CASD1: variants seen among roughly 807,000 people sequenced by gnomAD.
CASD1 encodes the protein CAS1 domain sialic acid O acetyltransferase 1, also known as N-acetylneuraminate (7)9-O-acetyltransferase.
A neutral mutation model predicts 100.0 loss-of-function variants in CASD1; 41 were observed. The ratio of observed to expected loss-of-function variants is 0.41; its 90% CI spans 0.32 to 0.53. The LOEUF (loss-of-function observed/expected upper bound fraction) is 0.53. CASD1 is among the 20% of genes least tolerant of loss of function. CASD1 has a pLI of 0.25. For missense variants in CASD1, 774 were observed against 948.7 expected (o/e 0.82, Z 2.42); for synonymous variants, 321 against 315.6 (o/e 1.02, Z -0.18).
the CASD1 span, among the ~76,000 whole-genome samples, chr7:94,615,425 A>G: frequency 3.4e-3 from 458 of 133,534 alleles, 3 homozygotes; most frequent in Non-Finnish European, 6.4e-3. Context: ...TAGATAGATA[A>G]AGGGCAATTC....
the CASD1 span, chr7:94,597,837 T>A: frequency 2.0e-5 from 3 of 152,332 alleles, no homozygotes; most frequent in Non-Finnish European, 4.4e-5. Flanking sequence ...TGAAACCCCA[T>A]CCCTACTAAA....
At chr7:94,615,742 C>T in the CASD1 span, among the ~76,000 whole-genome samples, 4 of 152,098 alleles carry the variant, frequency 2.6e-5, no homozygotes, top group Non-Finnish European at 5.9e-5. Context: ...TTCTTTAATC[C>T]TCACACCCCA....
the CASD1 span, among the ~76,000 whole-genome samples, chr7:94,594,273 T>G: frequency 2.0e-5 from 3 of 152,150 alleles, no homozygotes; most frequent in Non-Finnish European, 4.4e-5. Flanking sequence ...ACAATGTGAT[T>G]TCCAGGAATG....
the CASD1 span, among the ~76,000 whole-genome samples, chr7:94,581,921 T>C: frequency 6.6e-6 from 1 of 152,224 alleles, no homozygotes; most frequent in African/African-American, 2.4e-5. Flanking sequence ...GAATGGTATT[T>C]CTGTCTCCAG....
chr7:94,594,324 T>C, the CASD1 span: 1 of 152,092 alleles, frequency 6.6e-6, no homozygotes, highest in Non-Finnish European at 1.5e-5. Flanking sequence ...GGGAAAAAAT[T>C]ATTACTGCTA....
the CASD1 span, chr7:94,587,756 T>A: frequency 1.3e-6 from 2 of 1,535,848 alleles, no homozygotes; most frequent in Non-Finnish European, 1.8e-6. Flanking sequence ...TGAAATCTGA[T>A]GAACAATTTC....
At chr7:94,534,467 A>G (rs141985245) in intron 7 of CASD1, among the ~76,000 whole-genome samples, 12 of 152,276 alleles carry the variant, frequency 7.9e-5, no homozygotes, top group African/African-American at 2.4e-4. Context: ...TTAGCAAGCA[A>G]TGGGTTTCTG....
the CASD1 span, chr7:94,621,813 A>G: frequency 6.6e-6 from 1 of 152,240 alleles, no homozygotes; most frequent in Non-Finnish European, 1.5e-5. Context: ...TGTAGTCAAG[A>G]ACAAAAATCT....
the CASD1 span, among the ~76,000 whole-genome samples, chr7:94,615,379 TA>T: frequency 7.4e-6 from 1 of 135,176 alleles, no homozygotes; most frequent in South Asian, 2.5e-4. Context: ...GATAGATAGA[TA>T]GATAGATAGA....
At chr7:94,531,045 G>A (rs764940651) in intron 5 of CASD1, among the ~76,000 whole-genome samples, 5 of 152,142 alleles carry the variant, frequency 3.3e-5, no homozygotes, top group Non-Finnish European at 7.4e-5. Flanking sequence ...CAAAACTTAA[G>A]TTGAGGCATA....
At chr7:94,625,055 T>C in the CASD1 span, 1 of 152,040 alleles carries the variant, frequency 6.6e-6, no homozygotes, top group Non-Finnish European at 1.5e-5. Flanking sequence ...TTACTTATTA[T>C]GATGATGTGA....
chr7:94,529,932 G>A (rs1177447994), intron 5 of CASD1, among the ~76,000 whole-genome samples: 4 of 152,108 alleles, frequency 2.6e-5, no homozygotes, highest in Non-Finnish European at 5.9e-5. Flanking sequence ...AAGCCTATAG[G>A]CATAAAAGCA....
chr7:94,541,907 T>C (rs1363576422), intron 10 of CASD1, among the ~76,000 whole-genome samples: 1 of 152,102 alleles, frequency 6.6e-6, no homozygotes, highest in Admixed American at 6.5e-5. Flanking sequence ...CAACATACTT[T>C]TAAAAGGTCC....
At chr7:94,563,828 C>G in the CASD1 span, among the ~76,000 whole-genome samples, 1 of 152,090 alleles carries the variant, frequency 6.6e-6, no homozygotes, top group Non-Finnish European at 1.5e-5. Context: ...ATACAAGATG[C>G]AGCAATGTGT....
At chr7:94,599,825 T>C in the CASD1 span, 3 of 892,286 alleles carry the variant, frequency 3.4e-6, no homozygotes, top group Non-Finnish European at 5.6e-6. Flanking sequence ...AATGCTGACA[T>C]TGTCACTATT....
chr7:94,576,614 C>G, the CASD1 span, among the ~76,000 whole-genome samples: 1 of 152,152 alleles, frequency 6.6e-6, no homozygotes, highest in Admixed American at 6.6e-5. Flanking sequence ...GCACTGCATG[C>G]CTATGTGACT....
the CASD1 span, chr7:94,599,431 CATAAT>C: frequency 2.2e-6 from 1 of 449,560 alleles, no homozygotes; most frequent in Non-Finnish European, 3.9e-6. Context: ...TTGGAAATCA[CATAAT>C]ATAAATGGTA....
At chr7:94,584,141 T>C in the CASD1 span, among the ~76,000 whole-genome samples, 1 of 152,240 alleles carries the variant, frequency 6.6e-6, no homozygotes, top group Non-Finnish European at 1.5e-5. Flanking sequence ...TTTACTAGAA[T>C]AGATGAATAA....
chr7:94,600,938 AT>A, the CASD1 span: 3,130 of 1,143,618 alleles, frequency 2.7e-3, 44 homozygotes, highest in East Asian at 0.045. Context: ...ACACTAAAGC[AT>A]TCTTTGACAA....
Sources: allele counts gnomAD v4.1 joint callset (sites outside exome capture counted in the v4.1 genomes callset), GRCh38; gene constraint gnomAD v4.1.1; transcripts MANE v1.5; gene names NCBI Gene and HGNC (gene_info 2026-07-23, HGNC 2026-07-21).